Variants in SLC12A9 observed in about 807,000 individuals in gnomAD.
The protein encoded by SLC12A9 is CCC-interacting protein 1.
A neutral mutation model predicts 66.0 loss-of-function variants in SLC12A9; 55 were observed. The ratio of observed to expected loss-of-function variants is 0.83; its 90% CI spans 0.67 to 1.04. The LOEUF (loss-of-function observed/expected upper bound fraction) is 1.04. Ranked by LOEUF, SLC12A9 falls within the 50% of genes least tolerant of loss-of-function variation. SLC12A9 has a pLI of 0.00. For synonymous variants in SLC12A9, 577 were observed against 569.0 expected, an observed-to-expected ratio of 1.01 and a Z score of -0.20; for missense variants, 1,061 against 1,241.9, an observed-to-expected ratio of 0.85 and a Z score of 2.19.
chr7:100,827,186 C>T (rs1813430966), intron 1 of SLC12A9: 2 of 648,918 alleles, frequency 3.1e-6, no homozygotes, highest in Admixed American at 4.5e-5. Flanking sequence ...GGGCACCGGG[C>T]GGCGGCGCCA....
In SLC12A9 at chr7:100,861,344, G is replaced by A; in HGVS notation, c.1344-48G>A. On this transcript the variant is annotated intron_variant, in intron 10 of 13. Transcript: ENST00000354161. This position sits in a 1 kb window ranked among gnomAD's most constrained non-coding sequence, Gnocchi z 5.3. The stretch of plus-strand genomic sequence containing the variant: ...GTGGGGCTGGGGACTGCAGCCTCGT[G>A]TGCGGCCTGCCCTGAGTTTCTGTCC... The A allele has an allele frequency of 1.9e-6, 3 of 1,611,588 alleles. No homozygotes were observed. The highest frequency in any genetic ancestry group is 2.5e-6 in the Non-Finnish European group (3 of 1,178,140).
At chr7:100,842,974 G>A (rs1040465665) in intron 1 of SLC12A9, among the ~76,000 whole-genome samples, 4 of 152,362 alleles carry the variant, frequency 2.6e-5, no homozygotes, top group East Asian at 1.9e-4. Context: ...AGTTCACTTC[G>A]TATCTCTCAC....
At position 100,854,231 on chromosome 7, in the gene SLC12A9, C is replaced by T. The variant is rs775455305; in HGVS notation, c.34C>T (p.Arg12Trp). The change falls in exon 2 of 14, where the codon CGG becomes TGG. Residue 12 changes from arginine (R) to tryptophan (W), a missense_variant. Arg to Trp is a moderately radical substitution (Grantham distance 101). Transcript: ENST00000354161. ...ASESSPLLAYRLLGEEGVALP... is the reference protein window; with the variant it reads ...ASESSPLLAYWLLGEEGVALP... ...CGAGAGCTCACCTCTGCTGGCCTAC[C>T]GGCTCCTGGGGGAGGAGGGGGTTGC... 24 of 1,575,482 alleles carry T rather than the reference C, an allele frequency of 1.5e-5. No individual in the cohort carries two copies. The highest frequency in any genetic ancestry group is 4.5e-5 in the East Asian group (2 of 44,320).
chr7:100,840,279 A>G (rs1311514474), intron 1 of SLC12A9, among the ~76,000 whole-genome samples: 1 of 152,160 alleles, frequency 6.6e-6, no homozygotes, highest in Non-Finnish European at 1.5e-5. Context: ...CTATGTTGAA[A>G]AATTTCAAAA....
chr7:100,827,073 G>A (rs1424978015), intron 1 of SLC12A9: 2 of 1,551,746 alleles, frequency 1.3e-6, no homozygotes, highest in South Asian at 1.2e-5. Flanking sequence ...AGTTTGGGGG[G>A]CCCTCGCCCC....
At chr7:100,852,077 T>C (rs1814104718), upstream of SLC12A9, among the ~76,000 whole-genome samples, 1 of 151,622 alleles carries the variant, frequency 6.6e-6, no homozygotes. Context: ...GAAGAAGGAG[T>C]CTCAGCTCTC....
intron 7 of SLC12A9, 179 bp downstream of exon 7, chr7:100,859,340 A>T (rs1814598548): frequency 1.6e-6 from 1 of 622,100 alleles, no homozygotes; most frequent in Non-Finnish European, 2.8e-6. Context: ...TGTTGCAGGC[A>T]CTTAGCTTGG....
intron 13 of SLC12A9, among the ~76,000 whole-genome samples, chr7:100,863,737 T>C (rs960515244): frequency 6.6e-6 from 1 of 152,234 alleles, no homozygotes; most frequent in Admixed American, 6.5e-5. Flanking sequence ...GCTCAGTCAC[T>C]GCCTTTTCCC....
chr7:100,829,514 G>A (rs754674571), intron 1 of SLC12A9, among the ~76,000 whole-genome samples: 9 of 150,362 alleles, frequency 6.0e-5, no homozygotes, highest in African/African-American at 7.4e-5. Context: ...CGCCCGGGTT[G>A]GGGGGGGTGG....
rs753771086 is a variant in SLC12A9 at position 100,855,817 on chromosome 7, T to C, written c.428T>C (p.Val143Ala). The change falls in exon 4 of 14, where the codon GTG (valine) becomes GCG (alanine). Residue 143 changes from valine to alanine, a missense_variant. Physicochemically the swap from Val to Ala is moderately conservative, Grantham distance 64 (BLOSUM62 0). Transcript: ENST00000354161. ...TCCCTCCTGGGGCTGGTGGAGTCTG[T>C]GCTTGATGTCTTCGGGGCCGGTCTG... ...AVSLLGLVES[V>A]LDVFGADATG... The C allele has an allele frequency of 5.6e-6, 9 of 1,611,962 alleles. No individual in the cohort carries two copies. The Admixed American group carries it at 1.5e-4, about 27-fold the overall frequency.
chr7:100,858,779 C>T lies in SLC12A9; in HGVS notation c.758-56C>T, dbSNP rs1028350426. ...ATGTGTGGAGAGGGTGGCTAAGAGG[C>T]CTGGATCCCTGAGACGGATGCTGAT... On this transcript the variant is annotated intron_variant, in intron 5 of 13. Transcript: ENST00000354161. 37 of 1,561,840 alleles carry T rather than the reference C, an allele frequency of 2.4e-5. No homozygotes were observed. The African/African-American group carries it at 4.7e-4, about 20-fold the overall frequency.
chr7:100,854,863 C>A (rs1554426923), intron 3 of SLC12A9, 109 bp downstream of exon 3: 5 of 1,484,726 alleles, frequency 3.4e-6, no homozygotes, highest in South Asian at 2.6e-5. Context: ...GTGTTTTTTT[C>A]ATTCTTAAAA....
At chr7:100,843,490 C>G (rs1001753845) in intron 1 of SLC12A9, among the ~76,000 whole-genome samples, 3 of 152,198 alleles carry the variant, frequency 2.0e-5, no homozygotes, top group Admixed American at 2.0e-4. Flanking sequence ...CCTTTACACC[C>G]TACGTGTCAG....
chr7:100,861,330 G>A lies in SLC12A9; in HGVS notation c.1344-62G>A. 3 of 1,612,270 alleles carry A rather than the reference G, an allele frequency of 1.9e-6. No homozygotes were observed. The highest frequency in any genetic ancestry group is 1.3e-5 in the African/African-American group (1 of 75,024). The stretch of plus-strand genomic sequence containing the variant: ...ACTCGGGCTCAGGCGTGGGGCTGGG[G>A]ACTGCAGCCTCGTGTGCGGCCTGCC... On this transcript the variant is annotated intron_variant, in intron 10 of 13. Coordinates refer to ENST00000354161, the MANE Select transcript of SLC12A9 (RefSeq NM_020246.4). This position sits in a 1 kb window ranked among gnomAD's most constrained non-coding sequence, Gnocchi z 5.3.
At chr7:100,838,743 T>C (rs1254794664) in intron 1 of SLC12A9, among the ~76,000 whole-genome samples, 2 of 152,136 alleles carry the variant, frequency 1.3e-5, no homozygotes, top group Admixed American at 6.6e-5. Context: ...GCCTAATTTC[T>C]GCCTCTAAAG....
At chr7:100,827,055 C>A in intron 1 of SLC12A9, 3 of 1,568,998 alleles carry the variant, frequency 1.9e-6, no homozygotes, top group Non-Finnish European at 1.7e-6. Context: ...CGGGTAGGAT[C>A]CGAACTGAGT....
intron 5 of SLC12A9, 154 bp downstream of exon 5, chr7:100,857,330 C>A: frequency 1.2e-6 from 1 of 859,636 alleles, no homozygotes; most frequent in Non-Finnish European, 1.8e-6. Flanking sequence ...TCAAGCCTGT[C>A]TAGCGTGTGC....
chr7:100,855,504 A>G (rs1351737107), intron 3 of SLC12A9: 11 of 630,654 alleles, frequency 1.7e-5, no homozygotes, highest in South Asian at 1.3e-4. Flanking sequence ...GTTGATGCCA[A>G]TTTCTAGTCC....
intron 1 of SLC12A9, among the ~76,000 whole-genome samples, chr7:100,841,790 C>T (rs1218774341): frequency 6.6e-6 from 1 of 151,930 alleles, no homozygotes; most frequent in Non-Finnish European, 1.5e-5. Flanking sequence ...AAAAATTTGG[C>T]TTTCTTTAGT....
Sources: gnomAD v4.1 joint callset for allele counts (sites outside exome capture counted in the v4.1 genomes callset) on GRCh38, gnomAD v4.1.1 for gene constraint, Gnocchi (gnomAD v3.1) non-coding constraint, MANE v1.5 for transcripts, NCBI Gene and HGNC (gene_info 2026-07-23, HGNC 2026-07-21) for gene names.